FAM120A: variants seen among roughly 807,000 people sequenced by gnomAD.
FAM120A encodes the protein constitutive coactivator of PPAR-gamma-like protein 1.
In FAM120A, 15 loss-of-function variants were observed where a neutral mutation model predicts 109.7. The observed-to-expected ratio is 0.14, with a 90% confidence interval of 0.09 to 0.21. The LOEUF (loss-of-function observed/expected upper bound fraction) is 0.21. Among genes scored for constraint, FAM120A ranks in the 10% least tolerant of loss-of-function variants. FAM120A has a pLI of 1.00. For synonymous variants in FAM120A, 493 were observed against 572.8 expected (o/e 0.86, Z 1.99); for missense variants, 899 against 1,439.3 (o/e 0.62, Z 6.07).
chr9:93,551,871 T>C (rs1862112508), intron 12 of FAM120A, among the ~76,000 whole-genome samples: 1 of 152,236 alleles, frequency 6.6e-6, no homozygotes, highest in African/African-American at 2.4e-5. Context: ...TTTCTGTTTG[T>C]TAGACAGAAA....
At chr9:93,479,091 T>TA (rs1491146352) in intron 3 of FAM120A, among the ~76,000 whole-genome samples, 3 of 4,384 alleles carry the variant, frequency 6.8e-4, no homozygotes, top group African/African-American at 1.6e-3. Context: ...GGGTATTGCA[T>TA]TTTTTTTTTT....
At chr9:93,558,553 C>T in intron 14 of FAM120A, 28 bp from the exon 15 acceptor site, 1 of 1,612,802 alleles carries the variant, frequency 6.2e-7, no homozygotes, top group Non-Finnish European at 8.5e-7. Context: ...TACACTTCTC[C>T]CCTCTCTCTC....
chr9:93,520,089 T>C (rs1437030508), intron 7 of FAM120A, among the ~76,000 whole-genome samples: 1 of 152,106 alleles, frequency 6.6e-6, no homozygotes. Context: ...CCAGGCTGGT[T>C]TCAAACTCCT....
chr9:93,547,488 G>A (rs886657324), intron 11 of FAM120A, among the ~76,000 whole-genome samples: 3 of 152,152 alleles, frequency 2.0e-5, no homozygotes, highest in African/African-American at 7.2e-5. Context: ...CTTGTAAAGG[G>A]CAGTGAGAGG....
chr9:93,547,810 G>A (rs148776039), intron 11 of FAM120A, among the ~76,000 whole-genome samples: 3 of 152,254 alleles, frequency 2.0e-5, no homozygotes, highest in Non-Finnish European at 2.9e-5. Flanking sequence ...GTTCTCAGCC[G>A]CTCTTATCTT....
intron 1 of FAM120A, among the ~76,000 whole-genome samples, chr9:93,455,697 C>G (rs929848698): frequency 4.0e-5 from 6 of 151,512 alleles, no homozygotes; most frequent in African/African-American, 1.5e-4. Context: ...GAGTCTCACT[C>G]TGTCTCTCAG....
intron 5 of FAM120A, among the ~76,000 whole-genome samples, chr9:93,514,847 CGCGAGGCCAGAGGTTGA>C (rs1301333698): frequency 1.3e-5 from 2 of 152,352 alleles, no homozygotes; most frequent in East Asian, 3.9e-4. Flanking sequence ...AGTTAGGCCG[CGCGAGGCCAGAGGTTGA>C]GTGGGGAGGC....
At chr9:93,460,294 A>T (rs561114801) in intron 1 of FAM120A, among the ~76,000 whole-genome samples, 2 of 152,330 alleles carry the variant, frequency 1.3e-5, no homozygotes, top group African/African-American at 4.8e-5. Flanking sequence ...GTTCAGATAA[A>T]AATATTCTTA....
intron 3 of FAM120A, among the ~76,000 whole-genome samples, chr9:93,482,699 G>A (rs78480336): frequency 2.3e-4 from 35 of 152,234 alleles, no homozygotes; most frequent in African/African-American, 8.2e-4. Flanking sequence ...TTATCGCAGG[G>A]ACTGTGTCAC....
At chr9:93,499,872 C>A (rs1859725406) in intron 5 of FAM120A, among the ~76,000 whole-genome samples, 1 of 152,226 alleles carries the variant, frequency 6.6e-6, no homozygotes, top group Non-Finnish European at 1.5e-5. Flanking sequence ...GCCTTAAGAG[C>A]TGCACCCTTC....
intron 7 of FAM120A, chr9:93,523,397 G>T (rs1860926487): frequency 1.9e-6 from 2 of 1,057,592 alleles, no homozygotes; most frequent in Non-Finnish European, 2.5e-6. Context: ...AATGACTTTA[G>T]TGTAACTGTA....
In FAM120A at chr9:93,557,941, C is replaced by A; in HGVS notation, c.2599C>A (p.Pro867Thr). The A allele has an allele frequency of 6.2e-7, 1 of 1,607,882 alleles. No individual in the cohort carries two copies. ...FPPPPALPFY[P>T]ASAYPRHFGP... ...GCCGCCACCTGCCCTGCCCTTCTAC[C>A]CTGCCTCTGCGTACCCCCGGCACTT... The change falls in exon 14 of 18, where the codon CCT (proline) becomes ACT (threonine). Residue 867 changes from proline to threonine, a missense_variant. Physicochemically the swap from Pro to Thr is conservative, Grantham distance 38. Coordinates refer to ENST00000277165, the MANE Select transcript of FAM120A (RefSeq NM_014612.5).
At chr9:93,460,180 G>A (rs958076677) in intron 1 of FAM120A, among the ~76,000 whole-genome samples, 6 of 152,118 alleles carry the variant, frequency 3.9e-5, no homozygotes, top group Admixed American at 2.0e-4. Context: ...CAAATATCGC[G>A]TAACATGAAG....
At chr9:93,525,422 G>T (rs912124557) in intron 7 of FAM120A, among the ~76,000 whole-genome samples, 1 of 152,142 alleles carries the variant, frequency 6.6e-6, no homozygotes, top group South Asian at 2.1e-4. Context: ...ACACTCTAGG[G>T]ACAGATACCC....
rs761978259 is a variant in FAM120A, at chr9:93,562,172, T to G, written c.2949-36T>G. On this transcript the variant is annotated intron_variant, in intron 16 of 17. Transcript: ENST00000277165. ...ATTTTAAATGTTGTCTGTAACAGAT[T>G]TAAGTGTTTACTGTTGTCCTTTTTC... 10 of 1,480,428 alleles carry G rather than the reference T, an allele frequency of 6.8e-6. No individual in the cohort carries two copies. In the Admixed American group the frequency reaches 1.7e-4, roughly 25 times the overall value. 91.7% of individuals were successfully genotyped at this position (1,480,428 alleles called of 1,614,324 possible).
At position 93,497,452 on chromosome 9, in the gene FAM120A, C is replaced by T. The variant is rs762431642; in HGVS notation, c.805-19C>T. 13 of 1,611,752 alleles carry T rather than the reference C, an allele frequency of 8.1e-6. No homozygotes were observed. Among genetic ancestry groups the T allele is most frequent in the Non-Finnish European group, 1.0e-5 (12 of 1,179,388 alleles). On this transcript the variant is annotated intron_variant, in intron 3 of 17. Coordinates refer to ENST00000277165, the MANE Select transcript of FAM120A (RefSeq NM_014612.5). ...GGTTGCTCACCATCCACTGTTGACA[C>T]TTACGTTTGTTTTCTCAGGTCCGGG...
intron 3 of FAM120A, among the ~76,000 whole-genome samples, chr9:93,483,686 T>A (rs1858918317): frequency 6.6e-6 from 1 of 152,222 alleles, no homozygotes; most frequent in African/African-American, 2.4e-5. Flanking sequence ...AATAAAAATG[T>A]CTGTCTTGCT....
In FAM120A at chr9:93,529,472, C is replaced by A. The variant is rs1385742307; in HGVS notation, c.1626C>A (p.Asp542Glu). 6.2e-7 allele frequency: 1 copy of A among 1,614,228 alleles called. No individual in the cohort carries two copies. The highest frequency in any genetic ancestry group is 1.1e-5 in the South Asian group (1 of 91,088). ...LLSMPTRNHMDITTPPLPPVA... is the reference protein window; with the variant it reads ...LLSMPTRNHMEITTPPLPPVA... The stretch of plus-strand genomic sequence containing the variant: ...CGATGCCCACCAGGAACCACATGGA[C>A]ATCACCACACCTCCCCTGCCCCCCG... The change falls in exon 9 of 18, where the codon GAC becomes GAA. Residue 542 changes from aspartate to glutamate, a missense_variant. This residue lies in a region of FAM120A where 133 missense variants were observed against 276.6 expected (regional missense o/e 0.48). Transcript: ENST00000277165.
rs1862607432 is a variant in FAM120A at position 93,565,607 on chromosome 9, CTG to C, written c.*1068_*1069del. 6.6e-6 allele frequency: 1 copy of C among 151,716 alleles called. No individual in the cohort carries two copies. Among genetic ancestry groups the C allele is most frequent in the Non-Finnish European group, 1.5e-5 (1 of 67,930 alleles). 9.4% of individuals were successfully genotyped at this position (151,716 alleles called of 1,614,324 possible). ...TATCAACATTACCCTGGTGTATTCACTGCTGTATGCATTATTGTTCTTTGTTG... is the reference window on the plus strand; with the variant it reads ...TATCAACATTACCCTGGTGTATTCACCTGTATGCATTATTGTTCTTTGTTG... On this transcript the variant is annotated 3_prime_UTR_variant, in exon 18 of 18. Coordinates refer to ENST00000277165, the MANE Select transcript of FAM120A (RefSeq NM_014612.5).
Sources: gnomAD v4.1 joint callset for allele counts (sites outside exome capture counted in the v4.1 genomes callset) on GRCh38, gnomAD v4.1.1 for gene constraint, gnomAD v4.1.1 regional missense constraint, MANE v1.5 for transcripts, NCBI Gene and HGNC (gene_info 2026-07-23, HGNC 2026-07-21) for gene names.